DOCK4: variants seen among roughly 807,000 people sequenced by gnomAD.
The protein encoded by DOCK4 is dedicator of cytokinesis 4.
In DOCK4, 97 loss-of-function variants were observed where a neutral mutation model predicts 268.1. The ratio of observed to expected loss-of-function variants is 0.36; its 90% CI spans 0.31 to 0.43. DOCK4 has a LOEUF of 0.43. Ranked by LOEUF, DOCK4 falls within the 20% of genes least tolerant of loss-of-function variation. DOCK4 has a pLI of 1.00. For synonymous variants in DOCK4, 954 were observed against 887.2 expected (o/e 1.08, Z -1.34); for missense variants, 2,145 against 2,455.7 (o/e 0.87, Z 2.67).
intron 8 of DOCK4, among the ~76,000 whole-genome samples, chr7:111,973,156 CATATAT>C (rs144045255): frequency 0.041 from 4,647 of 114,042 alleles, 320 homozygotes; most frequent in African/African-American, 0.15. Flanking sequence ...TATTCCATGG[CATATAT>C]ATATATATAT....
At chr7:111,926,597 C>A (rs1441497599) in intron 12 of DOCK4, among the ~76,000 whole-genome samples, 1 of 147,398 alleles carries the variant, frequency 6.8e-6, no homozygotes, top group Non-Finnish European at 1.5e-5. Context: ...GCAAGGTGGG[C>A]AGATCACGAG....
At chr7:111,800,792 TC>T (rs1484425096) in intron 30 of DOCK4, among the ~76,000 whole-genome samples, 26 of 152,188 alleles carry the variant, frequency 1.7e-4, no homozygotes, top group African/African-American at 6.3e-4. Context: ...CAACTGCTGT[TC>T]CCCCACACGA....
intron 1 of DOCK4, among the ~76,000 whole-genome samples, chr7:112,128,587 C>G (rs1813486900): frequency 6.6e-6 from 1 of 152,214 alleles, no homozygotes; most frequent in African/African-American, 2.4e-5. Flanking sequence ...ATTCTTCTGC[C>G]TTGGGATCCT....
chr7:111,745,036 CTT>C (rs1234947918), intron 44 of DOCK4, among the ~76,000 whole-genome samples: 2 of 152,184 alleles, frequency 1.3e-5, no homozygotes, highest in African/African-American at 2.4e-5. Flanking sequence ...AAGCAAATGT[CTT>C]TATTTCCTGT....
chr7:112,152,506 GAGA>G (rs1437769763), intron 1 of DOCK4, among the ~76,000 whole-genome samples: 1 of 152,148 alleles, frequency 6.6e-6, no homozygotes, highest in Non-Finnish European at 1.5e-5. Flanking sequence ...TTGCAGCACT[GAGA>G]AGGTTTCTAT....
Position 111,741,182 on chromosome 7 carries a change from G to T in DOCK4, c.4952C>A (p.Ser1651Tyr). The T allele has an allele frequency of 6.2e-7, 1 of 1,613,924 alleles. No homozygotes were observed. The highest frequency in any genetic ancestry group is 1.1e-5 in the South Asian group (1 of 91,080). Reference protein sequence around the residue: ...PLSYPAVNRYSSSSLSSQASA... With the variant: ...PLSYPAVNRYYSSSLSSQASA... ...AGCTTGTGAGGACAGTGAGGAGGAA[G>T]AATATCGGTTGACAGCTGGGTAACT... The change falls in exon 47 of 53, where the codon TCT (serine) becomes TAT (tyrosine). Residue 1651 changes from serine (S) to tyrosine (Y), a missense_variant. Physicochemically the swap from Ser to Tyr is moderately radical, Grantham distance 144. This residue lies in a region of DOCK4 where 547 missense variants were observed against 469.0 expected (regional missense o/e 1.17). Transcript: ENST00000428084.
intron 5 of DOCK4, among the ~76,000 whole-genome samples, chr7:111,993,660 C>A (rs915280383): frequency 6.6e-6 from 1 of 152,148 alleles, no homozygotes; most frequent in African/African-American, 2.4e-5. Flanking sequence ...ATATATACTA[C>A]GTATCTGCAA....
chr7:111,791,730 G>A (rs1219703040), intron 30 of DOCK4, among the ~76,000 whole-genome samples: 1 of 152,118 alleles, frequency 6.6e-6, no homozygotes, highest in Non-Finnish European at 1.5e-5. Flanking sequence ...TTACAGGCAT[G>A]AGCTATCGCG....
At position 112,124,088 on chromosome 7, in the gene DOCK4, G is replaced by A. The variant is rs75728695; in HGVS notation, c.37+82014C>T. On this transcript the variant is annotated intron_variant, in intron 1 of 52. Transcript: ENST00000428084. ...TGTCCAGGCTGGAATGCAGTGGAGC[G>A]ATCATCATTCACTATATCCTTGAAC... Among the ~76,000 whole-genome samples, 991 of 151,914 alleles carry A rather than the reference G, an allele frequency of 6.5e-3. 7 individuals carry two copies. The highest frequency in any genetic ancestry group is 0.022 in the African/African-American group (907 of 41,430).
chr7:112,151,521 G>A (rs772454698), intron 1 of DOCK4, among the ~76,000 whole-genome samples: 1 of 152,108 alleles, frequency 6.6e-6, no homozygotes, highest in Non-Finnish European at 1.5e-5. Flanking sequence ...CAGGCACTGT[G>A]GAAATTCAGA....
intron 28 of DOCK4, among the ~76,000 whole-genome samples, chr7:111,811,526 T>C (rs925052111): frequency 6.6e-6 from 1 of 152,124 alleles, no homozygotes; most frequent in Non-Finnish European, 1.5e-5. Context: ...GACAAAGAAA[T>C]AAGAAACTAA....
intron 52 of DOCK4, among the ~76,000 whole-genome samples, chr7:111,731,457 C>G (rs1454527425): frequency 6.6e-6 from 1 of 152,178 alleles, no homozygotes; most frequent in African/African-American, 2.4e-5. Flanking sequence ...TCTTTCGACA[C>G]ACTTCATATT....
Position 111,811,969 on chromosome 7 carries a change from C to G in DOCK4, c.2931-20G>C, listed in dbSNP as rs1161237860. On this transcript the variant is annotated intron_variant, in intron 27 of 52. Transcript: ENST00000428084. ...ATAACACTAGTGATAAAAAAAATGACAAGGTGAAAACTTCATATTAGTGAA... is the reference window on the plus strand; with the variant it reads ...ATAACACTAGTGATAAAAAAAATGAGAAGGTGAAAACTTCATATTAGTGAA... The G allele has an allele frequency of 1.4e-6, 2 of 1,380,400 alleles. No homozygotes were observed. The highest frequency in any genetic ancestry group is 2.0e-6 in the Non-Finnish European group (2 of 1,010,240). 85.5% of individuals were successfully genotyped at this position (1,380,400 alleles called of 1,614,324 possible).
rs145598903 is a variant in DOCK4, at chr7:112,056,370, T to G, written c.38-52239A>C. Among the ~76,000 whole-genome samples, 362 of 152,308 alleles carry G rather than the reference T, an allele frequency of 2.4e-3. 3 individuals carry two copies. Among genetic ancestry groups the G allele is most frequent in the African/African-American group, 8.2e-3 (342 of 41,580 alleles). On this transcript the variant is annotated intron_variant, in intron 1 of 52. Transcript: ENST00000428084. The stretch of plus-strand genomic sequence containing the variant: ...AGTGTATGCTTTTAAATATGCTAAA[T>G]GTACTATACAAAATAGATAACAGAT...
At chr7:112,077,566 G>A (rs1426807808) in intron 1 of DOCK4, among the ~76,000 whole-genome samples, 2 of 152,058 alleles carry the variant, frequency 1.3e-5, no homozygotes, top group East Asian at 1.9e-4. Flanking sequence ...TCATTCATAC[G>A]CATTCCAAAG....
At chr7:112,033,866 A>G (rs757946256) in intron 1 of DOCK4, among the ~76,000 whole-genome samples, 1 of 152,194 alleles carries the variant, frequency 6.6e-6, no homozygotes, top group Non-Finnish European at 1.5e-5. Flanking sequence ...CATCATCATT[A>G]ATGTTTCCGT....
intron 1 of DOCK4, among the ~76,000 whole-genome samples, chr7:112,087,600 T>C (rs1809215973): frequency 1.3e-5 from 2 of 152,114 alleles, no homozygotes; most frequent in Non-Finnish European, 2.9e-5. Context: ...ATGAGAGATT[T>C]AAGCTTTGAA....
At chr7:112,034,428 T>C (rs1293498483) in intron 1 of DOCK4, among the ~76,000 whole-genome samples, 1 of 152,184 alleles carries the variant, frequency 6.6e-6, no homozygotes, top group Non-Finnish European at 1.5e-5. Flanking sequence ...CATCCTCACT[T>C]AAATTCTCTA....
intron 7 of DOCK4, among the ~76,000 whole-genome samples, chr7:111,983,860 G>GCACACACACACACACACACA (rs375791144): frequency 0.014 from 1,814 of 128,750 alleles, 18 homozygotes; most frequent in Non-Finnish European, 0.021. Context: ...GCGCGCGCGC[G>GCACACACACACACACACACA]CGCACACACA....
Sources: gnomAD v4.1 joint callset for allele counts (sites outside exome capture counted in the v4.1 genomes callset) on GRCh38, gnomAD v4.1.1 for gene constraint, gnomAD v4.1.1 regional missense constraint, MANE v1.5 for transcripts, NCBI Gene and HGNC (gene_info 2026-07-23, HGNC 2026-07-21) for gene names.